Variants in ZDHHC11B observed in about 807,000 individuals in gnomAD.
The protein encoded by ZDHHC11B is zDHHC palmitoyltransferase 11B (putative).
In ZDHHC11B, 17 loss-of-function variants were observed where a neutral mutation model predicts 42.3. The ratio of observed to expected loss-of-function variants is 0.40; its 90% CI spans 0.27 to 0.60. The LOEUF (loss-of-function observed/expected upper bound fraction) is 0.60. ZDHHC11B is among the 20% of genes least tolerant of loss of function. ZDHHC11B has a pLI of 0.41. For missense variants in ZDHHC11B, 262 were observed against 463.2 expected (o/e 0.57, Z 3.99); for synonymous variants, 123 against 193.5 (o/e 0.64, Z 3.02).
chr5:783,950 G>A (rs1737065904), intron 1 of ZDHHC11B, among the ~76,000 whole-genome samples: 1 of 150,708 alleles, frequency 6.6e-6, no homozygotes, highest in East Asian at 1.9e-4. Context: ...ACCTCCCTCG[G>A]CTCCGTTTAC....
intron 1 of ZDHHC11B, among the ~76,000 whole-genome samples, chr5:776,885 C>G (rs1162132637): frequency 2.0e-5 from 3 of 152,032 alleles, no homozygotes; most frequent in Non-Finnish European, 2.9e-5. Flanking sequence ...TATCATCGCA[C>G]GGCCCTCCTG....
At chr5:764,779 G>A (rs938632495) in intron 4 of ZDHHC11B, among the ~76,000 whole-genome samples, 1 of 151,958 alleles carries the variant, frequency 6.6e-6, no homozygotes, top group Non-Finnish European at 1.5e-5. Context: ...AGCTCCACCT[G>A]CCCCCGGTGT....
intron 13 of ZDHHC11B, among the ~76,000 whole-genome samples, chr5:714,233 C>A (rs1199271592): frequency 7.3e-6 from 1 of 136,452 alleles, no homozygotes; most frequent in Admixed American, 7.0e-5. Flanking sequence ...CTTTCCCCTC[C>A]CTTTTCCCTT....
intron 10 of ZDHHC11B, among the ~76,000 whole-genome samples, chr5:737,510 A>G (rs1360643383): frequency 6.7e-6 from 1 of 149,246 alleles, no homozygotes; most frequent in Non-Finnish European, 1.5e-5. Flanking sequence ...AGAGAAAACT[A>G]CAGACCAATA....
At chr5:776,044 C>G (rs1260809118) in intron 1 of ZDHHC11B, among the ~76,000 whole-genome samples, 2 of 149,754 alleles carry the variant, frequency 1.3e-5, no homozygotes, top group South Asian at 4.2e-4. Context: ...GCTGGGTGTA[C>G]TGCCGCTGGG....
In ZDHHC11B at chr5:772,067, G is replaced by C. The variant is rs1315511727; in HGVS notation, c.-229-3137C>G. Among the ~76,000 whole-genome samples, 12 of 151,882 alleles carry C rather than the reference G, an allele frequency of 7.9e-5. No homozygotes were observed. In the South Asian group the frequency reaches 1.5e-3, roughly 18 times the overall value. On this transcript the variant is annotated intron_variant, in intron 1 of 13. Transcript: ENST00000508859. ...TCCTGCCCTCGTGAGGCCTTCAGTT[G>C]GGACAAGTGATAAACAAATAAGCAA...
At chr5:727,167 CTT>C (rs1172348668) in intron 12 of ZDHHC11B, among the ~76,000 whole-genome samples, 5 of 135,276 alleles carry the variant, frequency 3.7e-5, no homozygotes, top group African/African-American at 1.3e-4. Context: ...CTGCCTGCCT[CTT>C]GAGCTGGAGA....
At chr5:776,937 C>G (rs1736550439) in intron 1 of ZDHHC11B, among the ~76,000 whole-genome samples, 1 of 151,934 alleles carries the variant, frequency 6.6e-6, no homozygotes, top group African/African-American at 2.4e-5. Context: ...CTCTTCTCAG[C>G]CCAGGCCGCC....
intron 1 of ZDHHC11B, among the ~76,000 whole-genome samples, chr5:771,240 G>T (rs192675130): frequency 5.3e-5 from 8 of 151,892 alleles, no homozygotes; most frequent in Non-Finnish European, 1.0e-4. Context: ...GTCATCGTGG[G>T]GGTCCTGAGT....
intron 10 of ZDHHC11B, among the ~76,000 whole-genome samples, chr5:735,778 C>T (rs369808184): frequency 1.3e-5 from 2 of 149,902 alleles, no homozygotes; most frequent in East Asian, 4.0e-4. Context: ...AGAGAACTAG[C>T]CACTAACAAG....
chr5:777,902 G>A (rs1446142256), intron 1 of ZDHHC11B, among the ~76,000 whole-genome samples: 3 of 151,294 alleles, frequency 2.0e-5, no homozygotes, highest in Non-Finnish European at 4.4e-5. Flanking sequence ...CACCGAGGGA[G>A]CCCGGGGCGG....
rs1737042866 is a variant in ZDHHC11B, at chr5:783,791, CA to C, written c.-230+876del. 4.1e-5 allele frequency among the ~76,000 whole-genome samples: 5 copies of C among 122,336 alleles called. No individual in the cohort carries two copies. The South Asian group carries it at 1.6e-3, about 40-fold the overall frequency. The allele number at this position is 122,336 out of a possible 152,430, so 80.3% of individuals were successfully genotyped here. ...CAAAACAGCAGCCCCCAAACCCCAT[CA>C]AAACAGCAGCCCCCTAAACCCCATC... On this transcript the variant is annotated intron_variant, in intron 1 of 13. Transcript: ENST00000508859.
intron 12 of ZDHHC11B, among the ~76,000 whole-genome samples, chr5:718,199 T>C (rs1435024620): frequency 6.6e-6 from 1 of 151,786 alleles, no homozygotes; most frequent in Non-Finnish European, 1.5e-5. Context: ...GTTGTAAAAG[T>C]GTGTGTAAGT....
chr5:758,997 T>C (rs1734220158), intron 4 of ZDHHC11B, among the ~76,000 whole-genome samples: 2 of 151,884 alleles, frequency 1.3e-5, no homozygotes, highest in African/African-American at 4.8e-5. Flanking sequence ...GGGATAGAGA[T>C]GACACGGAGC....
At chr5:758,198 G>T (rs1734115089) in intron 4 of ZDHHC11B, among the ~76,000 whole-genome samples, 1 of 151,906 alleles carries the variant, frequency 6.6e-6, no homozygotes, top group South Asian at 2.1e-4. Flanking sequence ...TGGCAGCTGA[G>T]GACAATGAGA....
At chr5:744,634 G>C (rs939723716) in intron 9 of ZDHHC11B, among the ~76,000 whole-genome samples, 1 of 149,126 alleles carries the variant, frequency 6.7e-6, no homozygotes, top group Non-Finnish European at 1.5e-5. Context: ...CAGCACTTTC[G>C]GAGGCCAAGG....
At chr5:776,135 C>T (rs1225561929) in intron 1 of ZDHHC11B, among the ~76,000 whole-genome samples, 1 of 150,930 alleles carries the variant, frequency 6.6e-6, no homozygotes, top group African/African-American at 2.4e-5. Flanking sequence ...AGCCCTCAAT[C>T]CTGCCCAGAG....
intron 3 of ZDHHC11B, among the ~76,000 whole-genome samples, 177 bp downstream of exon 3, chr5:767,215 C>T (rs946874671): frequency 1.3e-5 from 2 of 151,954 alleles, no homozygotes; most frequent in Non-Finnish European, 2.9e-5. Context: ...GGGCAGAGGA[C>T]CTGGCCTGTG....
intron 13 of ZDHHC11B, among the ~76,000 whole-genome samples, chr5:716,540 A>T (rs1741762856): frequency 6.6e-6 from 1 of 151,788 alleles, no homozygotes; most frequent in Non-Finnish European, 1.5e-5. Context: ...AAGTATGGAA[A>T]TGAGCAGTGT....
Sources: allele counts gnomAD v4.1 joint callset (sites outside exome capture counted in the v4.1 genomes callset), GRCh38; gene constraint gnomAD v4.1.1; transcripts MANE v1.5; gene names NCBI Gene and HGNC (gene_info 2026-07-23, HGNC 2026-07-21).